Variants in HTN1 observed in about 807,000 individuals in gnomAD.
HTN1 encodes the protein histatin 1, also known as histatin-1.
HTN1 carries 18 observed loss-of-function variants against 11.2 expected under a neutral mutation model. The observed-to-expected ratio is 1.61, with a 90% confidence interval of 1.12 to 2.39. The LOEUF is 2.39. HTN1 is among the 30% of genes most tolerant of loss of function. The pLI is 0.00. For synonymous variants in HTN1, 21 were observed against 20.5 expected (o/e 1.02, Z -0.07); for missense variants, 80 against 67.2 (o/e 1.19, Z -0.67).
At chr4:70,055,764 G>A (rs1257053609) in intron 5 of HTN1, 162 bp downstream of exon 5, 6 of 510,540 alleles carry the variant, frequency 1.2e-5, no homozygotes, top group Admixed American at 3.4e-5. Flanking sequence ...TAGATATGTG[G>A]TGTTATTTCT....
At chr4:70,055,078 T>C (rs776528371) in intron 4 of HTN1, among the ~76,000 whole-genome samples, 3 of 152,030 alleles carry the variant, frequency 2.0e-5, no homozygotes, top group Non-Finnish European at 2.9e-5. Flanking sequence ...TGAAAGAATG[T>C]AGGAGTTGTA....
At chr4:70,052,688 C>T (rs1487206247) in intron 1 of HTN1, among the ~76,000 whole-genome samples, 1 of 151,774 alleles carries the variant, frequency 6.6e-6, no homozygotes, top group Non-Finnish European at 1.5e-5. Context: ...CTGGGGCTCA[C>T]ACCTGTAATC....
At chr4:70,053,155 T>C (rs760675966) in intron 2 of HTN1, 28 bp downstream of exon 2, 2 of 1,447,554 alleles carry the variant, frequency 1.4e-6, no homozygotes. Context: ...TTTTAAATAC[T>C]ACATTCTCAG....
intron 1 of HTN1, 66 bp downstream of exon 1, chr4:70,050,561 GTAACCCA>G (rs1254600293): frequency 6.6e-6 from 1 of 152,008 alleles, no homozygotes; most frequent in East Asian, 1.9e-4. Flanking sequence ...AAAATCAATA[GTAACCCA>G]CTTATGAAAA....
At position 70,055,831 on chromosome 4, in the gene HTN1, G is replaced by C; in HGVS notation, c.*33+229G>C. ...GTTGTTTTGGTACTGGTACCATGCT[G>C]TTTTGGTAACTGTAGCTTTGTAGTA... On this transcript the variant is annotated intron_variant, in intron 5 of 5. Transcript: ENST00000246896. The C allele has an allele frequency of 9.4e-6, 3 of 319,046 alleles. No homozygotes were observed. The South Asian group carries it at 1.4e-4, about 15-fold the overall frequency. 19.8% of individuals were successfully genotyped at this position (319,046 alleles called of 1,614,324 possible). A position where few individuals can be genotyped will look rare whatever the true frequency, so the allele number is the denominator to read the frequency against.
At chr4:70,058,482 A>G (rs532596705) in intron 5 of HTN1, 98 bp from the exon 6 acceptor site, 1 of 152,286 alleles carries the variant, frequency 6.6e-6, no homozygotes, top group East Asian at 1.9e-4. Context: ...AATAAATAAA[A>G]CTATCTATAA....
chr4:70,055,447 T>C (rs2271643), intron 4 of HTN1, 51 bp from the exon 5 acceptor site: 906,095 of 1,279,370 alleles, frequency 0.71, 323,592 homozygotes, highest in African/African-American at 0.89. Context: ...AACACTTGTA[T>C]TGTCATTCTC....
chr4:70,054,567 G>A (rs1414222025), intron 4 of HTN1, 117 bp downstream of exon 4: 2 of 677,714 alleles, frequency 3.0e-6, no homozygotes, highest in African/African-American at 1.9e-5. Context: ...TTGCTAAAGT[G>A]CACATTGATT....
In HTN1 at chr4:70,055,557, A is replaced by G. The variant is rs368031080; in HGVS notation, c.162A>G (p.Leu54=). 1.3e-6 allele frequency: 2 copies of G among 1,569,860 alleles called. No homozygotes were observed. The highest frequency in any genetic ancestry group is 1.8e-6 in the Non-Finnish European group (2 of 1,140,738). Residue 54 remains leucine (L), a synonymous_variant, in exon 5 of 6, where the codon CTA becomes CTG. Coordinates refer to ENST00000246896, the MANE Select transcript of HTN1 (RefSeq NM_002159.4). The part of the protein sequence containing the change: ...PFYGDYGSNY[L]YDN ...ATGGGGACTATGGATCAAATTATCT[A>G]TATGACAATTGATATCCTTAGTAAT...
rs150657741 is a variant in HTN1 at position 70,055,565 on chromosome 4, A to G, written c.170A>G (p.Asn57Ser). 6.6e-4 allele frequency: 1,024 copies of G among 1,544,508 alleles called. No homozygotes were observed. The highest frequency in any genetic ancestry group is 6.7e-4 in the Non-Finnish European group (752 of 1,117,842). ...TATGGATCAAATTATCTATATGACA[A>G]TTGATATCCTTAGTAATCATGGGGC... ...GDYGSNYLYD[N>S] is the part of the protein sequence containing the mutation. Residue 57 changes from asparagine to serine, a missense_variant, in exon 5 of 6, where the codon AAT becomes AGT. Asn to Ser is a conservative substitution (Grantham distance 46). Transcript: ENST00000246896.
chr4:70,057,451 AC>A (rs1487268993), intron 5 of HTN1: 1 of 152,206 alleles, frequency 6.6e-6, no homozygotes, highest in Non-Finnish European at 1.5e-5. Context: ...GCACACATAT[AC>A]CTATGTAACA....
intron 2 of HTN1, among the ~76,000 whole-genome samples, chr4:70,053,616 A>C (rs1725955298): frequency 6.6e-6 from 1 of 152,102 alleles, no homozygotes; most frequent in African/African-American, 2.4e-5. Context: ...CCATAAAACA[A>C]ATCTCCATAT....
intron 5 of HTN1, chr4:70,056,063 T>G (rs1726032743): frequency 6.6e-6 from 1 of 152,302 alleles, no homozygotes. Context: ...TAATGATTTT[T>G]CTTATCCATG....
At chr4:70,053,783 T>C (rs187523255) in intron 2 of HTN1, among the ~76,000 whole-genome samples, 42 of 152,200 alleles carry the variant, frequency 2.8e-4, no homozygotes, top group African/African-American at 9.1e-4. Flanking sequence ...TAATAGAAAA[T>C]TGGTCACAAA....
chr4:70,050,650 A>G (rs1038241964), intron 1 of HTN1, among the ~76,000 whole-genome samples, 155 bp downstream of exon 1: 5 of 152,176 alleles, frequency 3.3e-5, no homozygotes, highest in Admixed American at 3.3e-4. Context: ...ACATTTTTGT[A>G]TATTACCTAT....
In HTN1 at chr4:70,053,101, G is replaced by A. The variant is rs781631930; in HGVS notation, c.25G>A (p.Val9Ile). 25 of 1,609,866 alleles carry A rather than the reference G, an allele frequency of 1.6e-5. No individual in the cohort carries two copies. The South Asian group carries it at 1.9e-4, about 12-fold the overall frequency. Residue 9 changes from valine (V) to isoleucine (I), a missense_variant, in exon 2 of 6, where the codon GTC becomes ATC. Transcript: ENST00000246896. ...TATGAAGTTTTTTGTCTTTGCTTTA[G>A]TCTTGGCTCTCATGATTTCCATGAT... MKFFVFAL[V>I]LALMISMISA...
intron 4 of HTN1, among the ~76,000 whole-genome samples, chr4:70,054,763 A>C (rs1311172534): frequency 6.6e-6 from 1 of 152,086 alleles, no homozygotes; most frequent in East Asian, 1.9e-4. Flanking sequence ...TAAGTATAAC[A>C]TATGCTTAAT....
At position 70,055,514 on chromosome 4, in the gene HTN1, A is replaced by T. The variant is rs1383573069; in HGVS notation, c.119A>T (p.His40Leu). The change falls in exon 5 of 6, where the codon CAT (histidine) becomes CTT (leucine). Residue 40 changes from histidine (H) to leucine (L), a missense_variant. Coordinates refer to ENST00000246896, the MANE Select transcript of HTN1 (RefSeq NM_002159.4). The stretch of plus-strand genomic sequence containing the variant: ...TGTATGCAGGAAAAGCATCATTCAC[A>T]TCGAGAATTTCCATTTTATGGGGAC... ...RRKFHEKHHS[H>L]REFPFYGDYG... is the part of the protein sequence containing the mutation. 2.5e-6 allele frequency: 4 copies of T among 1,597,384 alleles called. No homozygotes were observed. Among genetic ancestry groups the T allele is most frequent in the Non-Finnish European group, 2.6e-6 (3 of 1,165,496 alleles).
At chr4:70,058,285 G>A (rs1726094642) in intron 5 of HTN1, 1 of 152,022 alleles carries the variant, frequency 6.6e-6, no homozygotes, top group Admixed American at 6.6e-5. Flanking sequence ...ATTATTTGGG[G>A]GAGATAGATG....
Sources: gnomAD v4.1 joint callset for allele counts (sites outside exome capture counted in the v4.1 genomes callset) on GRCh38, gnomAD v4.1.1 for gene constraint, MANE v1.5 for transcripts, NCBI Gene and HGNC (gene_info 2026-07-23, HGNC 2026-07-21) for gene names.